The following RGS3 variants were observed in gnomAD, a reference collection of about 807,000 sequenced individuals.
RGS3 encodes regulator of G-protein signalling 3.
RGS3 carries 80 observed loss-of-function variants against 132.6 expected under a neutral mutation model. The observed-to-expected ratio is 0.60, with a 90% CI of 0.50 to 0.73. The LOEUF is 0.73. Ranked by LOEUF, RGS3 falls within the 30% of genes least tolerant of loss-of-function variation. The pLI, the probability that RGS3 is intolerant of heterozygous loss-of-function variation, is 0.00. For synonymous variants in RGS3, 598 were observed against 620.6 expected (o/e 0.96, Z 0.54); for missense variants, 1,382 against 1,530.8 (o/e 0.90, Z 1.62).
At position 113,466,423 on chromosome 9, in the gene RGS3, G is replaced by A. The variant is rs541058625; in HGVS notation, c.415+4222G>A. Among the ~76,000 whole-genome samples, 7 of 152,166 alleles carry A rather than the reference G, an allele frequency of 4.6e-5. No homozygotes were observed. The East Asian group carries it at 5.8e-4, about 13-fold the overall frequency. ...AACTGTTTTGATGAGAATTCCCTTC[G>A]GGGAGAGTACTGCATGATATATGTA... On this transcript the variant is annotated intron_variant, in intron 3 of 24. Coordinates refer to ENST00000350696, the Ensembl canonical transcript of RGS3.
In RGS3 at chr9:113,533,895, G is replaced by A. The variant is rs142926409; in HGVS notation, c.1915-2901G>A. 1.0e-3 allele frequency among the ~76,000 whole-genome samples: 158 copies of A among 152,344 alleles called. 1 individual carries two copies. Among genetic ancestry groups the A allele is most frequent in the African/African-American group, 3.6e-3 (150 of 41,568 alleles). ...TATCCTTCCCCTGCCATGGGCTAGA[G>A]GACTCTGGGCAGCGGAGGGAAGCTG... is the stretch of plus-strand genomic sequence containing the variant. On this transcript the variant is annotated intron_variant, in intron 18 of 24. Coordinates refer to ENST00000350696, the Ensembl canonical transcript of RGS3.
intron 7 of RGS3, among the ~76,000 whole-genome samples, chr9:113,489,092 A>AG (rs1830427566): frequency 6.6e-6 from 1 of 152,234 alleles, no homozygotes; most frequent in African/African-American, 2.4e-5. Context: ...CCTAAGAGGT[A>AG]GGACTTATTA....
At chr9:113,584,971 T>A (rs1835045195) in intron 20 of RGS3, among the ~76,000 whole-genome samples, 1 of 152,260 alleles carries the variant, frequency 6.6e-6, no homozygotes. Flanking sequence ...TGTATCAGTG[T>A]CTGAACTAGA....
intron 16 of RGS3, among the ~76,000 whole-genome samples, chr9:113,521,158 A>G (rs1831937565): frequency 6.6e-6 from 1 of 152,162 alleles, no homozygotes; most frequent in African/African-American, 2.4e-5. Flanking sequence ...GGTTAGGGTC[A>G]CTACCAAGAT....
At chr9:113,549,470 T>C (rs1833242734) in intron 19 of RGS3, among the ~76,000 whole-genome samples, 1 of 117,940 alleles carries the variant, frequency 8.5e-6, no homozygotes, top group Non-Finnish European at 1.8e-5. Flanking sequence ...TGCAGTTGAC[T>C]TTTTTTTTGT....
rs1456520764 is a variant in RGS3 at position 113,582,165 on chromosome 9, TAC to T, written c.2038-1283_2038-1282del. ...ACTCCCAGCTGTGGGGCTTCACCAT[TAC>T]AGACTCCCCAGGGCTTCAAAGACTT... On this transcript the variant is annotated intron_variant, in intron 19 of 24. Coordinates refer to ENST00000350696, the Ensembl canonical transcript of RGS3. 3.0e-6 allele frequency: 3 copies of T among 985,356 alleles called. No individual in the cohort carries two copies. The African/African-American group carries it at 5.2e-5, about 17-fold the overall frequency. 61.0% of individuals were successfully genotyped at this position (985,356 alleles called of 1,614,324 possible). A position where few individuals can be genotyped will look rare whatever the true frequency, so the allele number is the denominator to read the frequency against.
chr9:113,480,913 TCTCCAGC>T (rs1830139777), intron 4 of RGS3, among the ~76,000 whole-genome samples: 1 of 152,184 alleles, frequency 6.6e-6, no homozygotes, highest in African/African-American at 2.4e-5. Context: ...CCTGTCTATC[TCTCCAGC>T]CTCCCTGGCT....
intron 19 of RGS3, among the ~76,000 whole-genome samples, chr9:113,548,704 C>T (rs765083326): frequency 1.2e-4 from 18 of 152,200 alleles, no homozygotes; most frequent in Non-Finnish European, 2.5e-4. Flanking sequence ...CGAGGAGGCC[C>T]TGGAGGCCCG....
chr9:113,564,613 G>A lies in RGS3; in HGVS notation c.2038-18837G>A, dbSNP rs930349402. On this transcript the variant is annotated intron_variant, in intron 19 of 24. Transcript: ENST00000350696. Reference sequence around the variant, plus strand: ...ACTGCCCCCGCAGTTCCTCCTTGGGGATGTCTCTGTCATTCAGGGCTGTAA... The same window carrying A: ...ACTGCCCCCGCAGTTCCTCCTTGGGAATGTCTCTGTCATTCAGGGCTGTAA... 7.2e-5 allele frequency among the ~76,000 whole-genome samples: 11 copies of A among 152,166 alleles called. No individual in the cohort carries two copies. The South Asian group carries it at 2.1e-3, about 29-fold the overall frequency.
intron 19 of RGS3, among the ~76,000 whole-genome samples, chr9:113,542,683 T>TG: frequency 6.6e-6 from 1 of 152,092 alleles, no homozygotes; most frequent in East Asian, 1.9e-4. Context: ...TGGGGGATAG[T>TG]GGGGGCAGTG....
At chr9:113,489,400 CGCA>C (rs1396318619) in intron 7 of RGS3, among the ~76,000 whole-genome samples, 3 of 152,176 alleles carry the variant, frequency 2.0e-5, no homozygotes, top group Non-Finnish European at 4.4e-5. Flanking sequence ...TCCAGGTTCT[CGCA>C]GCTACATTAC....
At chr9:113,470,883 T>C (rs956277521) in intron 3 of RGS3, among the ~76,000 whole-genome samples, 3 of 152,164 alleles carry the variant, frequency 2.0e-5, no homozygotes, top group Non-Finnish European at 4.4e-5. Context: ...GAGGATCACT[T>C]GAGCCTAGGA....
intron 23 of RGS3, 138 bp from the exon 22 acceptor site, chr9:113,595,461 C>A: frequency 1.1e-6 from 1 of 915,654 alleles, no homozygotes; most frequent in South Asian, 1.7e-5. Context: ...CATCCCAGGG[C>A]TCCTGGCTGT....
chr9:113,527,035 G>A (rs188205980), intron 17 of RGS3, among the ~76,000 whole-genome samples: 161 of 152,278 alleles, frequency 1.1e-3, no homozygotes, highest in African/African-American at 3.5e-3. Flanking sequence ...GCTGAGTGCT[G>A]CCCCCATTCC....
chr9:113,544,040 C>G (rs1228806234), intron 19 of RGS3, among the ~76,000 whole-genome samples: 2 of 152,210 alleles, frequency 1.3e-5, no homozygotes, highest in Non-Finnish European at 2.9e-5. Context: ...GGATGATGAA[C>G]AAGCTATGGA....
intron 17 of RGS3, among the ~76,000 whole-genome samples, chr9:113,526,972 C>T (rs2119431159): frequency 6.6e-6 from 1 of 152,342 alleles, no homozygotes; most frequent in African/African-American, 2.4e-5. Context: ...CAGCTCCTCT[C>T]CGGCACCCTT....
At chr9:113,529,964 A>T (rs564142334) in intron 18 of RGS3, among the ~76,000 whole-genome samples, 1 of 152,386 alleles carries the variant, frequency 6.6e-6, no homozygotes, top group South Asian at 2.1e-4. Context: ...CTTGAAGATG[A>T]AAAAGTTGAG....
chr9:113,448,512 A>G (rs868525482), intron 1 of RGS3, among the ~76,000 whole-genome samples: 1 of 151,978 alleles, frequency 6.6e-6, no homozygotes, highest in African/African-American at 2.4e-5. Flanking sequence ...CAGCTTACAT[A>G]TGACTTATTT....
intron 19 of RGS3, among the ~76,000 whole-genome samples, chr9:113,570,936 C>T (rs1027407182): frequency 1.3e-5 from 2 of 152,198 alleles, no homozygotes; most frequent in African/African-American, 4.8e-5. Flanking sequence ...GCACCCGGCC[C>T]TTGTCCTGAC....
Sources: gnomAD v4.1 joint callset for allele counts (sites outside exome capture counted in the v4.1 genomes callset) on GRCh38, gnomAD v4.1.1 for gene constraint, MANE v1.5 for transcripts, NCBI Gene and HGNC (gene_info 2026-07-23, HGNC 2026-07-21) for gene names.